The following ZNF804A variants were observed in gnomAD, a reference collection of about 807,000 sequenced individuals.
ZNF804A encodes the protein zinc finger protein 804A.
A neutral mutation model predicts 16.5 loss-of-function variants in ZNF804A; 2 were observed. The observed-to-expected ratio is 0.12, with a 90% CI of 0.05 to 0.38. The LOEUF (loss-of-function observed/expected upper bound fraction) is 0.38, where lower values mean the gene tolerates loss of function less well. Ranked by LOEUF, ZNF804A falls within the 10% of genes least tolerant of loss-of-function variation. The pLI is 0.99. For synonymous variants in ZNF804A, 534 were observed against 489.6 expected (o/e 1.09, Z -1.20); for missense variants, 1,473 against 1,390.7 (o/e 1.06, Z -0.94).
chr2:184,668,407 G>A (rs1692284299), intron 1 of ZNF804A, among the ~76,000 whole-genome samples: 1 of 151,778 alleles, frequency 6.6e-6, no homozygotes, highest in Non-Finnish European at 1.5e-5. Flanking sequence ...ATAATAACCT[G>A]CTAATTTTTT....
At chr2:184,648,348 G>A (rs913962897) in intron 1 of ZNF804A, among the ~76,000 whole-genome samples, 6 of 152,030 alleles carry the variant, frequency 3.9e-5, no homozygotes, top group East Asian at 1.9e-4. Context: ...AAACAATCAC[G>A]CAATAGAAAC....
intron 1 of ZNF804A, among the ~76,000 whole-genome samples, chr2:184,849,613 G>A (rs1250283995): frequency 6.6e-6 from 1 of 151,980 alleles, no homozygotes; most frequent in Admixed American, 6.6e-5. Context: ...TAGAGAAAGG[G>A]GAATCCTCAT....
chr2:184,601,122 G>T lies in ZNF804A; in HGVS notation c.111+2052G>T, dbSNP rs560888075. ...GTATGAGATTTGCACTGACTGAAAA[G>T]AAGTAAATTTTCATATATGATGTGA... On this transcript the variant is annotated intron_variant, in intron 1 of 3. Transcript: ENST00000302277. Among the ~76,000 whole-genome samples, 75 of 152,156 alleles carry T rather than the reference G, an allele frequency of 4.9e-4. No homozygotes were observed. In the South Asian group the frequency reaches 0.015, roughly 31 times the overall value.
intron 1 of ZNF804A, among the ~76,000 whole-genome samples, chr2:184,740,422 A>G (rs1693694511): frequency 6.6e-6 from 1 of 152,210 alleles, no homozygotes; most frequent in Non-Finnish European, 1.5e-5. Context: ...ACACTATCCA[A>G]AGACTGCACT....
At chr2:184,599,126 G>C in intron 1 of ZNF804A, 56 bp downstream of exon 1, 1 of 1,373,018 alleles carries the variant, frequency 7.3e-7, no homozygotes, top group South Asian at 1.2e-5. Flanking sequence ...GCATTTGGAA[G>C]ATTGAGTTTT....
intron 2 of ZNF804A, among the ~76,000 whole-genome samples, chr2:184,928,250 C>T (rs1187043015): frequency 1.3e-5 from 2 of 152,114 alleles, no homozygotes; most frequent in Non-Finnish European, 1.5e-5. Context: ...TCCTTCTAGC[C>T]CAGCGTGTGT....
chr2:184,916,446 A>G (rs1685450300), intron 2 of ZNF804A, among the ~76,000 whole-genome samples: 1 of 152,214 alleles, frequency 6.6e-6, no homozygotes, highest in South Asian at 2.1e-4. Context: ...TCATATGAGG[A>G]GACAGAAGTC....
At chr2:184,689,794 C>T (rs1292806789) in intron 1 of ZNF804A, among the ~76,000 whole-genome samples, 1 of 151,938 alleles carries the variant, frequency 6.6e-6, no homozygotes, top group Non-Finnish European at 1.5e-5. Flanking sequence ...CTTAGAATAT[C>T]GTAAGATTCT....
intron 2 of ZNF804A, among the ~76,000 whole-genome samples, chr2:184,884,127 A>G (rs894462384): frequency 6.6e-6 from 1 of 152,126 alleles, no homozygotes; most frequent in Non-Finnish European, 1.5e-5. Context: ...AAAACTCAAC[A>G]TACAAAAATC....
chr2:184,696,650 T>A (rs568416347), intron 1 of ZNF804A, among the ~76,000 whole-genome samples: 1 of 152,254 alleles, frequency 6.6e-6, no homozygotes, highest in African/African-American at 2.4e-5. Flanking sequence ...CTTTTAATAA[T>A]TTGACAATAC....
chr2:184,888,900 G>T (rs181606081), intron 2 of ZNF804A, among the ~76,000 whole-genome samples: 345 of 151,882 alleles, frequency 2.3e-3, no homozygotes, highest in African/African-American at 7.7e-3. Flanking sequence ...TTCATGAATT[G>T]CTATTTTTCA....
chr2:184,887,923 A>C (rs1012055501), intron 2 of ZNF804A, among the ~76,000 whole-genome samples: 3 of 152,182 alleles, frequency 2.0e-5, no homozygotes, highest in African/African-American at 7.2e-5. Context: ...CTAAACATTG[A>C]GTATATATGG....
chr2:184,854,991 G>T (rs6720759), intron 1 of ZNF804A, among the ~76,000 whole-genome samples: 9,813 of 152,042 alleles, frequency 0.065, 1,069 homozygotes, highest in African/African-American at 0.22. Context: ...TGTCACAAAG[G>T]AGTAGAAAAT....
At chr2:184,822,311 A>G in intron 1 of ZNF804A, among the ~76,000 whole-genome samples, 1 of 152,172 alleles carries the variant, frequency 6.6e-6, no homozygotes, top group Non-Finnish European at 1.5e-5. Flanking sequence ...ATGCAGGAAC[A>G]GAAAACCAAA....
At chr2:184,859,725 G>A (rs927834343) in intron 1 of ZNF804A, among the ~76,000 whole-genome samples, 2 of 152,164 alleles carry the variant, frequency 1.3e-5, no homozygotes, top group Non-Finnish European at 2.9e-5. Context: ...ATTATTCCAG[G>A]TTCTTTGTCT....
intron 1 of ZNF804A, among the ~76,000 whole-genome samples, chr2:184,821,704 A>G (rs913876331): frequency 1.3e-5 from 2 of 152,184 alleles, no homozygotes; most frequent in Non-Finnish European, 2.9e-5. Context: ...AGGAACTTAA[A>G]CAGATTTACA....
intron 1 of ZNF804A, among the ~76,000 whole-genome samples, chr2:184,847,871 C>T (rs1259607475): frequency 6.6e-6 from 1 of 151,982 alleles, no homozygotes; most frequent in East Asian, 1.9e-4. Flanking sequence ...ATTACTAGTT[C>T]ATTGCAAAGG....
chr2:184,812,705 A>T (rs1694921065), intron 1 of ZNF804A, among the ~76,000 whole-genome samples: 1 of 152,106 alleles, frequency 6.6e-6, no homozygotes, highest in East Asian at 1.9e-4. Flanking sequence ...TTTTCTTTCT[A>T]GGAAAAAGAG....
At chr2:184,824,303 C>T (rs531181816) in intron 1 of ZNF804A, among the ~76,000 whole-genome samples, 8 of 152,224 alleles carry the variant, frequency 5.3e-5, no homozygotes, top group African/African-American at 1.9e-4. Flanking sequence ...CAATTAAATT[C>T]ACATCTCGTG....
Sources: allele counts gnomAD v4.1 joint callset (sites outside exome capture counted in the v4.1 genomes callset), GRCh38; gene constraint gnomAD v4.1.1; transcripts MANE v1.5; gene names NCBI Gene and HGNC (gene_info 2026-07-23, HGNC 2026-07-21).